EXOC6B: variants seen among roughly 807,000 people sequenced by gnomAD.
The protein encoded by EXOC6B is SEC15 homolog B.
A neutral mutation model predicts 113.5 loss-of-function variants in EXOC6B; 54 were observed. The ratio of observed to expected loss-of-function variants is 0.48; its 90% CI spans 0.38 to 0.60. The LOEUF is 0.60. EXOC6B is among the 20% of genes least tolerant of loss of function. EXOC6B has a pLI of 0.00. For synonymous variants in EXOC6B, 357 were observed against 339.0 expected (o/e 1.05, Z -0.58); for missense variants, 797 against 977.5 (o/e 0.82, Z 2.46).
At chr2:72,474,525 C>A (rs1335918958) in intron 17 of EXOC6B, among the ~76,000 whole-genome samples, 4 of 151,510 alleles carry the variant, frequency 2.6e-5, no homozygotes, top group African/African-American at 9.7e-5. Flanking sequence ...CTTTCTTCTG[C>A]TTGATCTAGT....
chr2:72,495,966 G>C (rs1281997565), intron 14 of EXOC6B, among the ~76,000 whole-genome samples: 1 of 152,072 alleles, frequency 6.6e-6, no homozygotes, highest in East Asian at 1.9e-4. Flanking sequence ...CTGGGTTAAG[G>C]GAGGGGTATT....
chr2:72,328,007 A>C (rs1000237055), intron 20 of EXOC6B, among the ~76,000 whole-genome samples: 15 of 149,344 alleles, frequency 1.0e-4, no homozygotes, highest in Non-Finnish European at 1.5e-4. Flanking sequence ...ATAAAGTCAA[A>C]GTTCTAGCTC....
In EXOC6B at chr2:72,401,646, CATATATATAT is replaced by C. The variant is rs72155589; in HGVS notation, c.1981-21786_1981-21777del. 6.8e-4 allele frequency among the ~76,000 whole-genome samples: 14 copies of C among 20,692 alleles called. 3 individuals carry two copies. The highest frequency in any genetic ancestry group is 4.2e-3 in the African/African-American group (13 of 3,086). 13.6% of individuals were successfully genotyped at this position (20,692 alleles called of 152,430 possible). On this transcript the variant is annotated intron_variant, in intron 18 of 21. Transcript: ENST00000272427. The stretch of plus-strand genomic sequence containing the variant: ...ACATATATATATATATACATATATA[CATATATATAT>C]ATATATATATGTATATATATATATA...
chr2:72,591,973 A>G (rs1225793508), intron 6 of EXOC6B, among the ~76,000 whole-genome samples: 1 of 152,120 alleles, frequency 6.6e-6, no homozygotes, highest in Non-Finnish European at 1.5e-5. Flanking sequence ...AAGAATAGTT[A>G]CATGGAGAAA....
chr2:72,209,439 G>A (rs1185660447), intron 20 of EXOC6B, among the ~76,000 whole-genome samples: 5 of 151,866 alleles, frequency 3.3e-5, no homozygotes, highest in South Asian at 2.1e-4. Flanking sequence ...GCTCGAGCCC[G>A]GGAAGCAGAG....
intron 20 of EXOC6B, among the ~76,000 whole-genome samples, chr2:72,320,025 T>C (rs1164768923): frequency 6.6e-6 from 1 of 151,872 alleles, no homozygotes; most frequent in Non-Finnish European, 1.5e-5. Context: ...TTAGTAGAGA[T>C]AGGGTTTCAC....
At chr2:72,622,231 CAA>C (rs755581083) in intron 6 of EXOC6B, among the ~76,000 whole-genome samples, 3 of 129,730 alleles carry the variant, frequency 2.3e-5, no homozygotes, top group Non-Finnish European at 1.7e-5. Flanking sequence ...TGATGAAGTA[CAA>C]AAAAAAAAAA....
intron 18 of EXOC6B, among the ~76,000 whole-genome samples, chr2:72,399,464 A>C (rs1386190853): frequency 2.6e-5 from 4 of 152,188 alleles, no homozygotes; most frequent in African/African-American, 4.8e-5. Flanking sequence ...AAGAAGTCAA[A>C]CTATCTCACT....
chr2:72,445,865 A>G (rs1444473536), intron 18 of EXOC6B, among the ~76,000 whole-genome samples: 9 of 152,320 alleles, frequency 5.9e-5, no homozygotes. Context: ...AAAGACACAC[A>G]TGTGGCCAAC....
chr2:72,716,562 TTCA>T (rs1273945735), intron 6 of EXOC6B, among the ~76,000 whole-genome samples: 9 of 152,198 alleles, frequency 5.9e-5, no homozygotes, highest in African/African-American at 1.9e-4. Context: ...AAAAGATTTC[TTCA>T]TCATTTCTTT....
chr2:72,546,706 C>A (rs1347472482), intron 8 of EXOC6B, among the ~76,000 whole-genome samples: 2 of 152,134 alleles, frequency 1.3e-5, no homozygotes, highest in Non-Finnish European at 2.9e-5. Flanking sequence ...GCTAACTTAC[C>A]CCTAACAGAA....
intron 11 of EXOC6B, among the ~76,000 whole-genome samples, chr2:72,508,132 G>GA (rs796807890): frequency 1.4e-3 from 55 of 40,226 alleles, no homozygotes; most frequent in African/African-American, 6.3e-3. Context: ...TATGATGGGG[G>GA]AAAAAAAAAC....
intron 6 of EXOC6B, among the ~76,000 whole-genome samples, chr2:72,709,113 G>A (rs568393750): frequency 6.6e-6 from 1 of 151,646 alleles, no homozygotes; most frequent in African/African-American, 2.4e-5. Context: ...GATGTAGAAG[G>A]ATGTGAGAAA....
At chr2:72,202,455 A>T (rs1679547487) in intron 20 of EXOC6B, among the ~76,000 whole-genome samples, 1 of 152,164 alleles carries the variant, frequency 6.6e-6, no homozygotes, top group Non-Finnish European at 1.5e-5. Context: ...CAACCCCAGA[A>T]CCATCATGTC....
chr2:72,379,906 A>G (rs1307559356), intron 18 of EXOC6B, 36 bp from the exon 19 acceptor site: 53 of 1,512,426 alleles, frequency 3.5e-5, no homozygotes, highest in Non-Finnish European at 4.3e-5. Context: ...AAGTTAATGC[A>G]TCTAACATAA....
intron 1 of EXOC6B, among the ~76,000 whole-genome samples, chr2:72,805,302 T>C (rs1225365352): frequency 6.6e-6 from 1 of 152,202 alleles, no homozygotes; most frequent in Non-Finnish European, 1.5e-5. Context: ...CTAAGTCTGG[T>C]AACGGACAAA....
intron 20 of EXOC6B, among the ~76,000 whole-genome samples, chr2:72,287,594 T>G (rs1220122216): frequency 6.6e-6 from 1 of 151,848 alleles, no homozygotes; most frequent in East Asian, 1.9e-4. Flanking sequence ...AAATAACCAA[T>G]AGTAGGAATG....
chr2:72,715,863 C>A (rs187999992), intron 6 of EXOC6B, among the ~76,000 whole-genome samples: 1 of 152,036 alleles, frequency 6.6e-6, no homozygotes, highest in Non-Finnish European at 1.5e-5. Context: ...CTGGAAGATA[C>A]TAGATTTTGA....
chr2:72,564,546 G>T (rs1434546960), intron 7 of EXOC6B, among the ~76,000 whole-genome samples: 4 of 152,180 alleles, frequency 2.6e-5, no homozygotes, highest in Non-Finnish European at 5.9e-5. Context: ...AGCTGAAGGA[G>T]CACTGACTTT....
Sources: gnomAD v4.1 joint callset for allele counts (sites outside exome capture counted in the v4.1 genomes callset) on GRCh38, gnomAD v4.1.1 for gene constraint, MANE v1.5 for transcripts, NCBI Gene and HGNC (gene_info 2026-07-23, HGNC 2026-07-21) for gene names.